The following LRFN5 variants were observed in gnomAD, a reference collection of about 807,000 sequenced individuals.
LRFN5 encodes the protein leucine-rich repeat and fibronectin type-III domain-containing protein 5.
Under a neutral mutation model 45.6 loss-of-function variants are expected in LRFN5, and 24 were observed. That is an observed-to-expected ratio of 0.53 (90% CI 0.38 to 0.74). The LOEUF is 0.74. LRFN5 is among the 30% of genes least tolerant of loss of function. The probability of loss-of-function intolerance (pLI) is 0.00; values close to 1 mark genes in which losing one functional copy is unlikely to be tolerated. For synonymous variants in LRFN5, 340 were observed against 313.8 expected, an observed-to-expected ratio of 1.08 and a Z score of -0.88; for missense variants, 776 against 861.5, an observed-to-expected ratio of 0.90 and a Z score of 1.24.
intron 1 of LRFN5, among the ~76,000 whole-genome samples, chr14:41,754,621 T>C (rs1331851554): frequency 6.6e-6 from 1 of 152,214 alleles, no homozygotes; most frequent in Non-Finnish European, 1.5e-5. Context: ...ATCCCCTTTA[T>C]CATTTTTTAT....
chr14:41,901,142 A>C (rs2139180985), intron 5 of LRFN5, among the ~76,000 whole-genome samples: 1 of 152,078 alleles, frequency 6.6e-6, no homozygotes, highest in African/African-American at 2.4e-5. Flanking sequence ...TTCTTTTATA[A>C]TATAATCATA....
At chr14:41,669,799 A>G (rs1035936439) in intron 1 of LRFN5, among the ~76,000 whole-genome samples, 6 of 151,152 alleles carry the variant, frequency 4.0e-5, no homozygotes, top group Non-Finnish European at 8.8e-5. Flanking sequence ...AATAATTTAA[A>G]TTTCCATAGT....
intron 1 of LRFN5, among the ~76,000 whole-genome samples, chr14:41,750,964 C>T (rs1010517647): frequency 1.3e-5 from 2 of 152,072 alleles, no homozygotes. Flanking sequence ...TAATGCTATC[C>T]CTCCCTCAGC....
intron 2 of LRFN5, among the ~76,000 whole-genome samples, chr14:41,781,633 AG>A (rs1203347738): frequency 1.1e-4 from 16 of 143,458 alleles, no homozygotes; most frequent in African/African-American, 3.7e-4. Flanking sequence ...AAAGAAAGAA[AG>A]GAAAGAAAGA....
At chr14:41,904,016 G>C in intron 5 of LRFN5, 142 bp from the exon 6 acceptor site, 1 of 643,228 alleles carries the variant, frequency 1.6e-6, no homozygotes, top group Non-Finnish European at 2.7e-6. Context: ...GGTGTGTGCT[G>C]TATTTCATGG....
intron 1 of LRFN5, among the ~76,000 whole-genome samples, chr14:41,749,217 A>G (rs569211168): frequency 6.6e-6 from 1 of 152,250 alleles, no homozygotes; most frequent in African/African-American, 2.4e-5. Context: ...GCGTTGAGAG[A>G]CGTATGCAAA....
rs1291489443 is a variant in LRFN5, at chr14:41,880,711, TAGTG to T, written c.-20-5893_-20-5890del. On this transcript the variant is annotated intron_variant, in intron 2 of 5. Coordinates refer to ENST00000298119, the MANE Select transcript of LRFN5 (RefSeq NM_152447.5). ...TTTGTCAGCTTATTATATCAATTAA[TAGTG>T]AAAGAGAAGAGTTCGTATCTCCAAT... 2.6e-5 allele frequency among the ~76,000 whole-genome samples: 4 copies of T among 152,264 alleles called. No homozygotes were observed. In the South Asian group the frequency reaches 6.2e-4, roughly 24 times the overall value.
At chr14:41,703,094 A>G (rs1882905448) in intron 1 of LRFN5, among the ~76,000 whole-genome samples, 1 of 152,328 alleles carries the variant, frequency 6.6e-6, no homozygotes, top group Admixed American at 6.5e-5. Flanking sequence ...TTAAGACTGC[A>G]GTGTAGCTAT....
At chr14:41,757,965 C>T (rs181386953) in intron 1 of LRFN5, among the ~76,000 whole-genome samples, 1 of 152,272 alleles carries the variant, frequency 6.6e-6, no homozygotes, top group East Asian at 1.9e-4. Context: ...TCACTTTTTC[C>T]ATGGTGGCTC....
chr14:41,623,266 C>T (rs909917193), intron 1 of LRFN5, among the ~76,000 whole-genome samples: 1 of 152,104 alleles, frequency 6.6e-6, no homozygotes, highest in African/African-American at 2.4e-5. Context: ...ACCCGAATCT[C>T]ATCTTGATTT....
chr14:41,698,257 T>C (rs541803435), intron 1 of LRFN5, among the ~76,000 whole-genome samples: 4 of 152,040 alleles, frequency 2.6e-5, no homozygotes, highest in Admixed American at 6.6e-5. Flanking sequence ...TCAAATATGA[T>C]AAAGCCTTCT....
intron 1 of LRFN5, among the ~76,000 whole-genome samples, chr14:41,710,347 A>G (rs1285284252): frequency 6.6e-6 from 1 of 152,166 alleles, no homozygotes; most frequent in African/African-American, 2.4e-5. Flanking sequence ...ATGGCTTATT[A>G]AAGTTACTTC....
intron 1 of LRFN5, among the ~76,000 whole-genome samples, chr14:41,758,810 G>A (rs929940903): frequency 1.7e-4 from 26 of 151,978 alleles, no homozygotes; most frequent in African/African-American, 5.5e-4. Context: ...CCTCTCTATC[G>A]AAATAATTTC....
At chr14:41,706,821 G>T (rs1023063112) in intron 1 of LRFN5, among the ~76,000 whole-genome samples, 13 of 152,258 alleles carry the variant, frequency 8.5e-5, no homozygotes, top group African/African-American at 3.1e-4. Context: ...CATATAGAAA[G>T]ATAAGTTTCT....
chr14:41,714,266 T>C (rs1435816263), intron 1 of LRFN5, among the ~76,000 whole-genome samples: 1 of 152,182 alleles, frequency 6.6e-6, no homozygotes, highest in African/African-American at 2.4e-5. Context: ...GGATACTTCT[T>C]TCTCTTTCTC....
At chr14:41,756,089 TG>T (rs1245665805) in intron 1 of LRFN5, among the ~76,000 whole-genome samples, 1 of 152,202 alleles carries the variant, frequency 6.6e-6, no homozygotes, top group African/African-American at 2.4e-5. Context: ...TGTTGAATAT[TG>T]GCCCCCACTC....
chr14:41,879,916 CTTTTTT>C (rs34553310), intron 2 of LRFN5, among the ~76,000 whole-genome samples: 32 of 56,470 alleles, frequency 5.7e-4, no homozygotes, highest in African/African-American at 2.2e-3. Context: ...TCAATTTTTC[CTTTTTT>C]TTTTTTTTTT....
intron 2 of LRFN5, among the ~76,000 whole-genome samples, chr14:41,772,435 A>G (rs756517029): frequency 1.3e-5 from 2 of 152,238 alleles, no homozygotes; most frequent in Admixed American, 6.5e-5. Context: ...AAAGTCATCA[A>G]TAGGACAAAA....
At chr14:41,899,960 A>G (rs1378116343) in intron 5 of LRFN5, among the ~76,000 whole-genome samples, 1 of 152,126 alleles carries the variant, frequency 6.6e-6, no homozygotes, top group African/African-American at 2.4e-5. Flanking sequence ...ATTGACCTGC[A>G]TGAAGGTGTC....
Sources: gnomAD v4.1 joint callset for allele counts (sites outside exome capture counted in the v4.1 genomes callset) on GRCh38, gnomAD v4.1.1 for gene constraint, MANE v1.5 for transcripts, NCBI Gene and HGNC (gene_info 2026-07-23, HGNC 2026-07-21) for gene names.